The following NPHP1 variants were observed in gnomAD, a reference collection of about 807,000 sequenced individuals.
The protein encoded by NPHP1 is nephrocystin 1.
Under a neutral mutation model 90.4 loss-of-function variants are expected in NPHP1, and 70 were observed. The ratio of observed to expected loss-of-function variants is 0.77; its 90% CI spans 0.64 to 0.95. NPHP1 has a LOEUF of 0.95. Ranked by LOEUF, NPHP1 falls within the 40% of genes least tolerant of loss-of-function variation. The probability of loss-of-function intolerance (pLI) is 0.00; values close to 1 mark genes in which losing one functional copy is unlikely to be tolerated. For missense variants in NPHP1, 764 were observed against 795.9 expected (o/e 0.96, Z 0.48); for synonymous variants, 256 against 271.7 (o/e 0.94, Z 0.57).
At chr2:110,152,232 T>C (rs1559064727) in intron 11 of NPHP1, among the ~76,000 whole-genome samples, 1 of 151,868 alleles carries the variant, frequency 6.6e-6, no homozygotes, top group Non-Finnish European at 1.5e-5. Context: ...GGCAGGGAGA[T>C]TGCTTGAGCT....
intron 2 of NPHP1, among the ~76,000 whole-genome samples, chr2:110,190,458 C>T (rs1037474668): frequency 3.9e-5 from 6 of 152,182 alleles, no homozygotes; most frequent in East Asian, 1.9e-4. Flanking sequence ...TGCCCAGGGC[C>T]GGTGGGGCTG....
At chr2:110,137,768 G>A (rs1680313076) in intron 16 of NPHP1, among the ~76,000 whole-genome samples, 2 of 151,176 alleles carry the variant, frequency 1.3e-5, no homozygotes, top group South Asian at 4.2e-4. Flanking sequence ...TCAGTGTGGT[G>A]ATTCCTCAGG....
rs35859447 is a variant in NPHP1, at chr2:110,189,120, CA to C, written c.144-9437del. ...TTTCATGACAACAAAAAGCCAAAAGCAATTGCAACAAAAGCAAAACTTGACA... is the reference window on the plus strand; with the variant it reads ...TTTCATGACAACAAAAAGCCAAAAGCATTGCAACAAAAGCAAAACTTGACA... On this transcript the variant is annotated intron_variant, in intron 2 of 19. Transcript: ENST00000445609. Among the ~76,000 whole-genome samples, 3 of 152,206 alleles carry C rather than the reference CA, an allele frequency of 2.0e-5. No individual in the cohort carries two copies. In the East Asian group the frequency reaches 5.8e-4, roughly 29 times the overall value.
intron 2 of NPHP1, chr2:110,184,336 A>G (rs1684130643): frequency 1.6e-6 from 1 of 608,184 alleles, no homozygotes; most frequent in African/African-American, 1.8e-5. Context: ...CAATATGTCT[A>G]TTCTAAGGAC....
chr2:110,198,087 AAAG>A (rs1685291122), intron 2 of NPHP1, among the ~76,000 whole-genome samples: 2 of 152,142 alleles, frequency 1.3e-5, no homozygotes, highest in Non-Finnish European at 2.9e-5. Context: ...GCAAAGAAGG[AAAG>A]AAGGACAACT....
At chr2:110,182,170 T>G (rs1683952311) in intron 2 of NPHP1, among the ~76,000 whole-genome samples, 1 of 151,950 alleles carries the variant, frequency 6.6e-6, no homozygotes, top group Non-Finnish European at 1.5e-5. Flanking sequence ...TTGGGGTACC[T>G]AAAAAAGACA....
At chr2:110,146,885 T>G (rs1681094044) in intron 13 of NPHP1, 50 bp from the exon 14 acceptor site, 1 of 1,317,846 alleles carries the variant, frequency 7.6e-7, no homozygotes, top group Non-Finnish European at 1.1e-6. Context: ...CTAGTCAAAT[T>G]TATAAGCACA....
chr2:110,125,857 A>C (rs1574049396), intron 18 of NPHP1, 176 bp from the exon 19 acceptor site: 1 of 648,846 alleles, frequency 1.5e-6, no homozygotes, highest in East Asian at 2.7e-5. Flanking sequence ...CCAGCACCAG[A>C]ATGACCAGGC....
At chr2:110,132,813 C>A (rs1298631895) in intron 16 of NPHP1, among the ~76,000 whole-genome samples, 1 of 151,974 alleles carries the variant, frequency 6.6e-6, no homozygotes, top group Non-Finnish European at 1.5e-5. Flanking sequence ...TATGCAATAC[C>A]AAGTTAAGTT....
At chr2:110,152,281 T>C (rs925096706) in intron 11 of NPHP1, among the ~76,000 whole-genome samples, 6 of 150,234 alleles carry the variant, frequency 4.0e-5, no homozygotes, top group African/African-American at 1.5e-4. Context: ...TAGTGAAACC[T>C]TGGCTCTATT....
chr2:110,156,607 T>G (rs938317384), intron 11 of NPHP1, among the ~76,000 whole-genome samples: 1 of 152,084 alleles, frequency 6.6e-6, no homozygotes, highest in Non-Finnish European at 1.5e-5. Context: ...TTCTGAATGC[T>G]CTGCAGTGCC....
At chr2:110,138,695 C>G (rs554034920) in intron 16 of NPHP1, among the ~76,000 whole-genome samples, 1 of 152,026 alleles carries the variant, frequency 6.6e-6, no homozygotes, top group Non-Finnish European at 1.5e-5. Flanking sequence ...CTTTGGTCCA[C>G]GGTCCCATTG....
At chr2:110,150,420 A>G (rs541123233) in intron 11 of NPHP1, among the ~76,000 whole-genome samples, 164 bp from the exon 12 acceptor site, 1 of 152,162 alleles carries the variant, frequency 6.6e-6, no homozygotes, top group Non-Finnish European at 1.5e-5. Context: ...TTCTTTTTAT[A>G]TCAGGTATGA....
chr2:110,146,994 C>T lies in NPHP1; in HGVS notation c.1270-159G>A, dbSNP rs368759173. 4.6e-5 allele frequency among the ~76,000 whole-genome samples: 7 copies of T among 152,198 alleles called. No homozygotes were observed. The East Asian group carries it at 7.7e-4, about 17-fold the overall frequency. ...TGAAACACAGTAGAATCTCATTTTG[C>T]CTGCGGGTCAGATATTAAAGGTAGT... is the stretch of plus-strand genomic sequence containing the variant. On this transcript the variant is annotated intron_variant, in intron 13 of 19. Transcript: ENST00000445609.
At chr2:110,149,224 A>T (rs561316767) in intron 12 of NPHP1, among the ~76,000 whole-genome samples, 1 of 152,308 alleles carries the variant, frequency 6.6e-6, no homozygotes, top group Admixed American at 6.5e-5. Flanking sequence ...AAAAGTTTCC[A>T]CGTGCCTAGG....
intron 2 of NPHP1, among the ~76,000 whole-genome samples, chr2:110,180,448 CTTT>C (rs3086121): frequency 0.011 from 893 of 80,784 alleles, 2 homozygotes; most frequent in African/African-American, 0.037. Context: ...CCGTTTGAGT[CTTT>C]TTTTTTTTTT....
Position 110,136,167 on chromosome 2 carries a change from G to A in NPHP1, c.1530-4376C>T, listed in dbSNP as rs915539987. On this transcript the variant is annotated intron_variant, in intron 16 of 19. Transcript: ENST00000445609. ...TCAATAAATTAGGTATTGATGGGAC[G>A]TATCTCAAAATAATAAGAGCTATCT... Among the ~76,000 whole-genome samples the A allele has an allele frequency of 5.9e-5, 9 of 152,096 alleles. No homozygotes were observed. The South Asian group carries it at 6.2e-4, about 11-fold the overall frequency.
chr2:110,199,627 C>G (rs1685429213), intron 2 of NPHP1, among the ~76,000 whole-genome samples: 1 of 151,580 alleles, frequency 6.6e-6, no homozygotes, highest in African/African-American at 2.4e-5. Flanking sequence ...CCCACATCCC[C>G]CCAAAAAAAC....
chr2:110,181,031 T>C (rs1050348910), intron 2 of NPHP1, among the ~76,000 whole-genome samples: 1 of 152,170 alleles, frequency 6.6e-6, no homozygotes, highest in Admixed American at 6.5e-5. Context: ...GCAGCATTGT[T>C]CCGTGGGCCC....
Sources: allele counts gnomAD v4.1 joint callset (sites outside exome capture counted in the v4.1 genomes callset), GRCh38; gene constraint gnomAD v4.1.1; transcripts MANE v1.5; gene names NCBI Gene and HGNC (gene_info 2026-07-23, HGNC 2026-07-21).